ZRANB3: variants seen among roughly 807,000 people sequenced by gnomAD.
ZRANB3 encodes DNA annealing helicase and endonuclease ZRANB3.
Under a neutral mutation model 133.8 loss-of-function variants are expected in ZRANB3, and 125 were observed. The observed-to-expected ratio is 0.93, with a 90% CI of 0.81 to 1.08. The LOEUF (loss-of-function observed/expected upper bound fraction) is 1.08, where lower values mean the gene tolerates loss of function less well. Ranked by LOEUF, ZRANB3 falls within the 50% of genes least tolerant of loss-of-function variation. The probability of loss-of-function intolerance (pLI) is 0.00; values close to 1 mark genes in which losing one functional copy is unlikely to be tolerated. For synonymous variants in ZRANB3, 387 were observed against 432.7 expected, an observed-to-expected ratio of 0.89 and a Z score of 1.31; for missense variants, 1,229 against 1,275.5, an observed-to-expected ratio of 0.96 and a Z score of 0.56.
chr2:135,219,385 G>A (rs945878667), intron 15 of ZRANB3, among the ~76,000 whole-genome samples: 4 of 152,226 alleles, frequency 2.6e-5, no homozygotes, highest in African/African-American at 7.2e-5. Context: ...CTACCGCACT[G>A]GATGCCTCCA....
At chr2:135,388,052 G>T (rs971087185) in intron 3 of ZRANB3, among the ~76,000 whole-genome samples, 1 of 152,194 alleles carries the variant, frequency 6.6e-6, no homozygotes, top group African/African-American at 2.4e-5. Context: ...AAGGAAAGGG[G>T]TTTAATTCAC....
chr2:135,229,757 A>G (rs918750415), intron 13 of ZRANB3, among the ~76,000 whole-genome samples: 2 of 152,184 alleles, frequency 1.3e-5, no homozygotes, highest in African/African-American at 4.8e-5. Context: ...TCCAGTTTCC[A>G]AAACTGTCAA....
intron 6 of ZRANB3, among the ~76,000 whole-genome samples, chr2:135,336,209 C>A (rs1183530465): frequency 6.6e-6 from 1 of 152,230 alleles, no homozygotes; most frequent in Non-Finnish European, 1.5e-5. Context: ...TATACCCTAA[C>A]TTCTCATCCC....
chr2:135,511,456 G>T (rs755289513), intron 1 of ZRANB3: 23 of 827,564 alleles, frequency 2.8e-5, no homozygotes, highest in Non-Finnish European at 5.0e-5. Context: ...ACCACCTGAG[G>T]TGTTTGCTGT....
intron 8 of ZRANB3, among the ~76,000 whole-genome samples, chr2:135,291,016 T>C (rs1043153215): frequency 2.0e-5 from 3 of 151,996 alleles, no homozygotes; most frequent in Non-Finnish European, 4.4e-5. Flanking sequence ...GCCATTCTCA[T>C]ACCTCAGCCT....
intron 2 of ZRANB3, among the ~76,000 whole-genome samples, chr2:135,476,861 T>G (rs1691522796): frequency 6.6e-6 from 1 of 152,124 alleles, no homozygotes; most frequent in African/African-American, 2.4e-5. Flanking sequence ...TGTGCCACCA[T>G]GCCTGGCTAA....
intron 2 of ZRANB3, among the ~76,000 whole-genome samples, chr2:135,443,142 A>T (rs185710892): frequency 3.3e-4 from 50 of 150,784 alleles, no homozygotes; most frequent in African/African-American, 1.2e-3. Flanking sequence ...AAAAAGAAAA[A>T]AGAAAAGAAA....
At chr2:135,202,671 C>T in intron 20 of ZRANB3, 161 bp downstream of exon 20, 1 of 766,990 alleles carries the variant, frequency 1.3e-6, no homozygotes, top group Non-Finnish European at 1.9e-6. Flanking sequence ...GTGACACGGG[C>T]CTTGAGAGGA....
chr2:135,345,811 C>T (rs1208214619), intron 5 of ZRANB3, among the ~76,000 whole-genome samples, 176 bp from the exon 6 acceptor site: 1 of 151,564 alleles, frequency 6.6e-6, no homozygotes, highest in African/African-American at 2.4e-5. Flanking sequence ...TATAAATATA[C>T]ATTTATACAT....
chr2:135,276,606 T>C (rs903734856), intron 8 of ZRANB3, among the ~76,000 whole-genome samples: 2 of 152,204 alleles, frequency 1.3e-5, no homozygotes, highest in African/African-American at 4.8e-5. Context: ...ACTGGTTATG[T>C]AGAAATTGTG....
intron 2 of ZRANB3, among the ~76,000 whole-genome samples, chr2:135,480,222 G>A (rs926672671): frequency 2.0e-5 from 3 of 151,924 alleles, no homozygotes; most frequent in Non-Finnish European, 4.4e-5. Context: ...GATTACAGGC[G>A]TGAGCCACAG....
intron 3 of ZRANB3, among the ~76,000 whole-genome samples, chr2:135,361,592 C>T (rs940399706): frequency 3.3e-5 from 5 of 152,002 alleles, no homozygotes; most frequent in African/African-American, 1.2e-4. Context: ...AAAACTTTTC[C>T]GGTTTTAATG....
chr2:135,511,403 A>G (rs1234351922), intron 1 of ZRANB3: 3 of 808,420 alleles, frequency 3.7e-6, no homozygotes, highest in East Asian at 2.4e-5. Context: ...CCACGTCATT[A>G]CTGACAACTG....
intron 2 of ZRANB3, among the ~76,000 whole-genome samples, chr2:135,406,866 T>A (rs1426390841): frequency 6.6e-6 from 1 of 152,186 alleles, no homozygotes; most frequent in Non-Finnish European, 1.5e-5. Flanking sequence ...GCCAATATCA[T>A]ACTGAATGGG....
intron 3 of ZRANB3, among the ~76,000 whole-genome samples, chr2:135,384,031 T>G (rs1216805025): frequency 6.6e-6 from 1 of 152,114 alleles, no homozygotes; most frequent in Non-Finnish European, 1.5e-5. Context: ...CAAAAAACCC[T>G]TCAAAAAATC....
chr2:135,301,310 C>T (rs915772785), intron 8 of ZRANB3, among the ~76,000 whole-genome samples: 9 of 151,988 alleles, frequency 5.9e-5, no homozygotes, highest in Non-Finnish European at 8.8e-5. Context: ...CCCAGCTTCC[C>T]GAGTAGCTGG....
At chr2:135,310,673 T>C (rs1433409220) in intron 8 of ZRANB3, among the ~76,000 whole-genome samples, 2 of 122,410 alleles carry the variant, frequency 1.6e-5, no homozygotes, top group East Asian at 5.5e-4. Context: ...TTTTTATTTA[T>C]ATATATATTT....
chr2:135,321,317 G>A (rs1024321098), intron 6 of ZRANB3, among the ~76,000 whole-genome samples: 2 of 152,146 alleles, frequency 1.3e-5, no homozygotes, highest in African/African-American at 4.8e-5. Flanking sequence ...TAATGCACGT[G>A]TACTGGTATT....
intron 4 of ZRANB3, among the ~76,000 whole-genome samples, chr2:135,351,626 T>A (rs1685213044): frequency 6.6e-6 from 1 of 152,130 alleles, no homozygotes; most frequent in Non-Finnish European, 1.5e-5. Flanking sequence ...CTAACTAACT[T>A]AGGTATACTG....
Sources: allele counts gnomAD v4.1 joint callset (sites outside exome capture counted in the v4.1 genomes callset), GRCh38; gene constraint gnomAD v4.1.1; transcripts MANE v1.5; gene names NCBI Gene and HGNC (gene_info 2026-07-23, HGNC 2026-07-21).